Variants in CSMD1 observed in about 807,000 individuals in gnomAD.
CSMD1 encodes CUB and Sushi multiple domains 1, also known as CUB and sushi domain-containing protein 1.
CSMD1 carries 213 observed loss-of-function variants against 417.5 expected under a neutral mutation model. The observed-to-expected ratio is 0.51, with a 90% confidence interval of 0.46 to 0.57. The LOEUF (loss-of-function observed/expected upper bound fraction) is 0.57, where lower values mean the gene tolerates loss of function less well. CSMD1 is among the 20% of genes least tolerant of loss of function. The pLI is 0.00. For missense variants in CSMD1, 6,923 were observed against 4,529.7 expected (o/e 1.53, Z -15.17); for synonymous variants, 2,862 against 1,736.8 (o/e 1.65, Z -16.11).
intron 5 of CSMD1, among the ~76,000 whole-genome samples, chr8:3,932,025 G>C (rs2554659): frequency 1.3e-5 from 2 of 149,470 alleles, no homozygotes; most frequent in Non-Finnish European, 3.0e-5. Context: ...CAATAATTTT[G>C]TGACTTCAGT....
chr8:4,477,050 C>A (rs1800839594), intron 2 of CSMD1, among the ~76,000 whole-genome samples: 3 of 152,168 alleles, frequency 2.0e-5, no homozygotes, highest in South Asian at 4.1e-4. Flanking sequence ...CTGGTGGGAC[C>A]CCAGCCTTGC....
chr8:4,558,824 T>G (rs1798205826), intron 2 of CSMD1, among the ~76,000 whole-genome samples: 1 of 152,160 alleles, frequency 6.6e-6, no homozygotes, highest in Non-Finnish European at 1.5e-5. Context: ...ATGGAGATCG[T>G]GCCACTGCAC....
intron 3 of CSMD1, among the ~76,000 whole-genome samples, chr8:4,195,391 A>G (rs1272854801): frequency 6.6e-6 from 1 of 152,202 alleles, no homozygotes; most frequent in Non-Finnish European, 1.5e-5. Context: ...TTTTAAAATT[A>G]TAAAATCTGT....
At chr8:3,614,157 C>G (rs1008568316) in intron 8 of CSMD1, among the ~76,000 whole-genome samples, 2 of 152,058 alleles carry the variant, frequency 1.3e-5, no homozygotes, top group African/African-American at 4.8e-5. Flanking sequence ...TTCAAATCAT[C>G]TTCCCAGGTG....
At chr8:4,036,272 C>G (rs1305216496) in intron 3 of CSMD1, among the ~76,000 whole-genome samples, 2 of 152,190 alleles carry the variant, frequency 1.3e-5, no homozygotes, top group Non-Finnish European at 2.9e-5. Context: ...TAACATATCT[C>G]AAGATGCTGT....
chr8:3,497,484 G>A (rs768632023), intron 10 of CSMD1, among the ~76,000 whole-genome samples: 4 of 152,118 alleles, frequency 2.6e-5, no homozygotes, highest in African/African-American at 7.2e-5. Flanking sequence ...TCAGCTCACT[G>A]CAACCTGTCT....
chr8:4,169,464 C>G (rs1009540862), intron 3 of CSMD1, among the ~76,000 whole-genome samples: 1 of 152,108 alleles, frequency 6.6e-6, no homozygotes, highest in African/African-American at 2.4e-5. Context: ...CAACATATCC[C>G]AAATCTGACT....
chr8:3,797,949 C>T (rs1322631305), intron 5 of CSMD1, among the ~76,000 whole-genome samples: 1 of 151,988 alleles, frequency 6.6e-6, no homozygotes. Flanking sequence ...TAGCTGTTCT[C>T]ATAACTATTT....
intron 3 of CSMD1, among the ~76,000 whole-genome samples, chr8:4,215,812 A>C (rs995738298): frequency 6.6e-6 from 1 of 152,186 alleles, no homozygotes; most frequent in African/African-American, 2.4e-5. Context: ...TCTGGCACTA[A>C]CATTTCAAAG....
At chr8:3,597,397 T>G (rs1401676362) in intron 8 of CSMD1, among the ~76,000 whole-genome samples, 1 of 74,198 alleles carries the variant, frequency 1.3e-5, no homozygotes, top group African/African-American at 9.1e-5. Context: ...CTGATTTCTA[T>G]GGAATCCCAA....
intron 4 of CSMD1, among the ~76,000 whole-genome samples, chr8:4,017,173 G>T (rs149074659): frequency 0.013 from 1,912 of 152,266 alleles, 18 homozygotes; most frequent in Middle Eastern, 0.034. Flanking sequence ...TGTGTATGTT[G>T]AAGCTTCCTT....
intron 3 of CSMD1, among the ~76,000 whole-genome samples, chr8:4,402,230 G>T (rs780165070): frequency 6.6e-6 from 1 of 151,926 alleles, no homozygotes; most frequent in Non-Finnish European, 1.5e-5. Flanking sequence ...CTGTTTTGGG[G>T]GCTCATTCCC....
intron 7 of CSMD1, among the ~76,000 whole-genome samples, chr8:3,652,759 T>A (rs1180928056): frequency 6.6e-6 from 1 of 152,086 alleles, no homozygotes; most frequent in Non-Finnish European, 1.5e-5. Flanking sequence ...CAGTTCAAGG[T>A]GAGATTTGGC....
At chr8:3,858,775 G>C (rs963552620) in intron 5 of CSMD1, among the ~76,000 whole-genome samples, 2 of 151,880 alleles carry the variant, frequency 1.3e-5, no homozygotes, top group Admixed American at 6.6e-5. Flanking sequence ...AACTTATTTA[G>C]GATTTAAAAG....
Position 3,713,849 on chromosome 8 carries a change from A to G in CSMD1, c.932-5358T>C, listed in dbSNP as rs554833310. Among the ~76,000 whole-genome samples, 64 of 152,312 alleles carry G rather than the reference A, an allele frequency of 4.2e-4. 1 individual carries two copies. In the South Asian group the frequency reaches 0.013, roughly 31 times the overall value. On this transcript the variant is annotated intron_variant, in intron 6 of 69. Transcript: ENST00000635120. ...AGAGTTTGGGAGAAATGGGTGAAAAATATAAATCTTGTGTCTTCAACTTTT... is the reference window on the plus strand; with the variant it reads ...AGAGTTTGGGAGAAATGGGTGAAAAGTATAAATCTTGTGTCTTCAACTTTT...
intron 42 of CSMD1, among the ~76,000 whole-genome samples, chr8:3,110,754 G>C (rs971239849): frequency 6.6e-6 from 1 of 152,162 alleles, no homozygotes; most frequent in East Asian, 1.9e-4. Context: ...ATCTGAAAGA[G>C]TGTCATCTAA....
At chr8:4,219,074 A>G (rs1225498945) in intron 3 of CSMD1, among the ~76,000 whole-genome samples, 2 of 152,124 alleles carry the variant, frequency 1.3e-5, no homozygotes, top group African/African-American at 4.8e-5. Flanking sequence ...CGTCTACTCT[A>G]TCACTTTTCC....
At chr8:4,809,103 G>A (rs1798753185) in intron 1 of CSMD1, among the ~76,000 whole-genome samples, 1 of 152,212 alleles carries the variant, frequency 6.6e-6, no homozygotes, top group South Asian at 2.1e-4. Flanking sequence ...GAAACAGATG[G>A]ACCTTATTAC....
At chr8:4,212,290 G>T (rs189026281) in intron 3 of CSMD1, among the ~76,000 whole-genome samples, 5 of 151,424 alleles carry the variant, frequency 3.3e-5, no homozygotes, top group Admixed American at 2.0e-4. Flanking sequence ...TACAAACTTA[G>T]TCAAAACTAG....
Sources: gnomAD v4.1 joint callset for allele counts (sites outside exome capture counted in the v4.1 genomes callset) on GRCh38, gnomAD v4.1.1 for gene constraint, MANE v1.5 for transcripts, NCBI Gene and HGNC (gene_info 2026-07-23, HGNC 2026-07-21) for gene names.